MAP7D2: variants seen among roughly 807,000 people sequenced by gnomAD.
MAP7D2 encodes the protein MAP7 domain containing 2.
Under a neutral mutation model 63.5 loss-of-function variants are expected in MAP7D2, and 33 were observed. That is an observed-to-expected ratio of 0.52 (90% CI 0.39 to 0.70). MAP7D2 has a LOEUF of 0.70. Among genes scored for constraint, MAP7D2 ranks in the 30% least tolerant of loss-of-function variants. The probability of loss-of-function intolerance (pLI) is 0.00; values close to 1 mark genes in which losing one functional copy is unlikely to be tolerated. For missense variants in MAP7D2, 626 were observed against 604.0 expected (o/e 1.04, Z -0.38); for synonymous variants, 224 against 223.7 (o/e 1.00, Z -0.01).
intron 4 of MAP7D2, among the ~76,000 whole-genome samples, chrX:20,054,716 G>C (rs1349549808): frequency 9.0e-6 from 1 of 111,352 alleles, no homozygotes; most frequent in Non-Finnish European, 1.9e-5. Context: ...TGAGTAGCTG[G>C]GGCTCCAGGC....
intron 6 of MAP7D2, among the ~76,000 whole-genome samples, chrX:20,049,319 T>TG (rs1202987754): frequency 9.7e-6 from 1 of 103,335 alleles, no homozygotes; most frequent in African/African-American, 3.6e-5. Flanking sequence ...TCACCCAAGC[T>TG]GGAGTACAGT....
chrX:20,087,647 T>C (rs778900430), intron 1 of MAP7D2, among the ~76,000 whole-genome samples: 1 of 112,184 alleles, frequency 8.9e-6, no homozygotes, highest in South Asian at 3.7e-4. Flanking sequence ...GAGCCTGTCT[T>C]GGCAATAAAA....
At position 20,116,826 on chromosome X, in the gene MAP7D2, C is replaced by T; in HGVS notation, c.54G>A (p.Ala18=). The T allele has an allele frequency of 8.5e-7, 1 of 1,182,588 alleles. No homozygotes were observed. Among genetic ancestry groups the T allele is most frequent in the South Asian group, 1.9e-5 (1 of 53,151 alleles). Residue 18 remains alanine (A), a synonymous_variant, in exon 1 of 17, where the codon GCG becomes GCA. Transcript: ENST00000379643. The stretch of plus-strand genomic sequence containing the variant: ...TCTTCCCTGGGAGAGAGGTTCCCCG[C>T]GCAGTCCCCTCAGGCCGGGATCCCG... ...SGTGSRPEGT[A]RGTSLPGKIA... is the part of the protein sequence containing the mutation.
intron 1 of MAP7D2, among the ~76,000 whole-genome samples, chrX:20,077,001 C>T (rs984278354): frequency 4.4e-5 from 5 of 112,667 alleles, no homozygotes; most frequent in Non-Finnish European, 7.5e-5. Context: ...TAGAATTGGG[C>T]GAAGCCCAAA....
At chrX:20,052,267 T>C (rs895828453) in intron 5 of MAP7D2, 5 of 139,986 alleles carry the variant, frequency 3.6e-5, no homozygotes, top group Non-Finnish European at 5.7e-5. Context: ...TGAGCCTTTG[T>C]GAGAATGCAG....
chrX:20,061,118 CAAAAAAAA>C (rs780468494), intron 3 of MAP7D2, among the ~76,000 whole-genome samples: 1 of 34,876 alleles, frequency 2.9e-5, no homozygotes, highest in Non-Finnish European at 5.2e-5. Flanking sequence ...AGAACATGAC[CAAAAAAAA>C]AAAAAAAAAA....
chrX:20,083,357 C>T (rs1216841350), intron 1 of MAP7D2, among the ~76,000 whole-genome samples: 1 of 111,959 alleles, frequency 8.9e-6, no homozygotes, highest in Non-Finnish European at 1.9e-5. Context: ...ACTGCCATTC[C>T]AAAATAACAC....
At chrX:20,046,866 A>G (rs1185832428) in intron 6 of MAP7D2, among the ~76,000 whole-genome samples, 1 of 112,716 alleles carries the variant, frequency 8.9e-6, no homozygotes, top group Non-Finnish European at 1.9e-5. Flanking sequence ...ATGGAGAAAA[A>G]CAACATAATC....
intron 1 of MAP7D2, among the ~76,000 whole-genome samples, chrX:20,075,537 T>C (rs2065621406): frequency 9.0e-6 from 1 of 110,648 alleles, no homozygotes; most frequent in Non-Finnish European, 1.9e-5. Flanking sequence ...GAGTTCTGAC[T>C]AGGAATTGAG....
intron 8 of MAP7D2, among the ~76,000 whole-genome samples, chrX:20,034,530 T>A: frequency 9.0e-6 from 1 of 111,435 alleles, no homozygotes; most frequent in East Asian, 2.8e-4. Flanking sequence ...GTGGTGGTAT[T>A]AGGAGGTGGG....
At chrX:20,077,585 C>G (rs1362268880) in intron 1 of MAP7D2, among the ~76,000 whole-genome samples, 3 of 112,305 alleles carry the variant, frequency 2.7e-5, no homozygotes, top group Non-Finnish European at 5.6e-5. Context: ...ATAGGCACTG[C>G]TTAACTGTAT....
intron 6 of MAP7D2, among the ~76,000 whole-genome samples, chrX:20,048,052 G>C (rs1278207239): frequency 9.0e-6 from 1 of 110,895 alleles, no homozygotes; most frequent in Non-Finnish European, 1.9e-5. Flanking sequence ...GGTGAGCTGT[G>C]CAAAAATGAG....
chrX:20,050,145 G>A (rs1334291488), intron 6 of MAP7D2, among the ~76,000 whole-genome samples: 2 of 111,434 alleles, frequency 1.8e-5, no homozygotes, highest in Non-Finnish European at 3.8e-5. Context: ...AATGCCAGCC[G>A]CCACAAATCC....
At chrX:20,111,980 C>T (rs1269153085) in intron 1 of MAP7D2, among the ~76,000 whole-genome samples, 1 of 111,632 alleles carries the variant, frequency 9.0e-6, no homozygotes, top group Non-Finnish European at 1.9e-5. Flanking sequence ...CCATGTTGCC[C>T]AGGCTGGTCT....
chrX:20,024,148 C>G (rs1035393815), intron 10 of MAP7D2, among the ~76,000 whole-genome samples: 1 of 112,262 alleles, frequency 8.9e-6, no homozygotes, highest in Non-Finnish European at 1.9e-5. Context: ...ATGAGCCTAA[C>G]GGCTTCCTTT....
At chrX:20,009,423 G>T (rs1166881706) in intron 16 of MAP7D2, among the ~76,000 whole-genome samples, 1 of 111,077 alleles carries the variant, frequency 9.0e-6, no homozygotes, top group Non-Finnish European at 1.9e-5. Context: ...TAGCACTTTG[G>T]GAAGCCAAGG....
At chrX:20,049,895 G>A (rs967929756) in intron 6 of MAP7D2, 6 of 311,897 alleles carry the variant, frequency 1.9e-5, no homozygotes, top group Admixed American at 6.8e-5. Flanking sequence ...GTGTAAAGTG[G>A]CATCCCACTA....
intron 10 of MAP7D2, among the ~76,000 whole-genome samples, chrX:20,020,649 C>T (rs1336354070): frequency 1.8e-5 from 2 of 111,246 alleles, no homozygotes; most frequent in Non-Finnish European, 3.8e-5. Flanking sequence ...CATCCTGCTG[C>T]CCCACATCGC....
Position 20,042,553 on chromosome X carries a change from C to T in MAP7D2, c.956G>A (p.Cys319Tyr), listed in dbSNP as rs1603369023. ...CTTAGGAATGCCTCCAGAAAACTCA[C>T]ATCTTCTCAGAGGGGACCCGAAGTT... is the stretch of plus-strand genomic sequence containing the variant. The part of the protein sequence containing the change: ...VVNFGSPLRR[C>Y]EFSGGIPKRP... Residue 319 changes from cysteine to tyrosine, a missense_variant, in exon 8 of 17, where the codon TGT becomes TAT. Coordinates refer to ENST00000379643, the MANE Select transcript of MAP7D2 (RefSeq NM_001168465.2). The T allele has an allele frequency of 2.5e-6, 3 of 1,211,513 alleles. No homozygotes were observed. Among genetic ancestry groups the T allele is most frequent in the East Asian group, 5.9e-5 (2 of 33,854 alleles).
Sources: gnomAD v4.1 joint callset for allele counts (sites outside exome capture counted in the v4.1 genomes callset) on GRCh38, gnomAD v4.1.1 for gene constraint, MANE v1.5 for transcripts, NCBI Gene and HGNC (gene_info 2026-07-23, HGNC 2026-07-21) for gene names.